Variants in MMP24 observed in about 807,000 individuals in gnomAD.
MMP24 encodes matrix metalloproteinase-24.
Under a neutral mutation model 62.8 loss-of-function variants are expected in MMP24, and 25 were observed. That is an observed-to-expected ratio of 0.40 (90% confidence interval 0.29 to 0.56). MMP24 has a LOEUF of 0.56. MMP24 is among the 20% of genes least tolerant of loss of function. The pLI is 0.50. For synonymous variants in MMP24, 319 were observed against 350.5 expected, an observed-to-expected ratio of 0.91 and a Z score of 1.00; for missense variants, 634 against 853.6, an observed-to-expected ratio of 0.74 and a Z score of 3.21.
At chr20:35,258,265 CA>C (rs1421982323) in intron 4 of MMP24, among the ~76,000 whole-genome samples, 1 of 152,140 alleles carries the variant, frequency 6.6e-6, no homozygotes, top group Non-Finnish European at 1.5e-5. Context: ...TAATTTTTAA[CA>C]TAAGCACACA....
chr20:35,231,825 G>T (rs554864187), intron 1 of MMP24, among the ~76,000 whole-genome samples: 36 of 152,300 alleles, frequency 2.4e-4, no homozygotes, highest in African/African-American at 8.2e-4. Context: ...GCCGAGGCAG[G>T]TGGATCACCT....
intron 7 of MMP24, among the ~76,000 whole-genome samples, chr20:35,270,868 C>G (rs1430688512): frequency 6.6e-6 from 1 of 152,182 alleles, no homozygotes; most frequent in Non-Finnish European, 1.5e-5. Context: ...GGTGAAACCA[C>G]GTCTCTACTA....
At chr20:35,235,694 G>A (rs1188247979) in intron 1 of MMP24, among the ~76,000 whole-genome samples, 1 of 152,084 alleles carries the variant, frequency 6.6e-6, no homozygotes, top group Non-Finnish European at 1.5e-5. Context: ...GCAAGACTAT[G>A]TCTCAAAAAA....
intron 1 of MMP24, among the ~76,000 whole-genome samples, chr20:35,229,090 T>C (rs1026416701): frequency 2.0e-5 from 3 of 152,236 alleles, no homozygotes; most frequent in Non-Finnish European, 4.4e-5. Flanking sequence ...ACACCCTGTA[T>C]GTGGATTATT....
chr20:35,246,857 T>C lies in MMP24; in HGVS notation c.264T>C (p.Tyr88=), dbSNP rs2060517228. 1.2e-6 allele frequency: 2 copies of C among 1,614,084 alleles called. No homozygotes were observed. Among genetic ancestry groups the C allele is most frequent in the East Asian group, 2.2e-5 (1 of 44,884 alleles). ...PFAGQNWLKS[Y]GYLLPYDSRA... ...TCTTTCAGAACTGGTTAAAGTCCTA[T>C]GGCTATCTGCTTCCCTATGACTCAC... is the stretch of plus-strand genomic sequence containing the variant. Residue 88 remains tyrosine, a synonymous_variant, in exon 2 of 9, where the codon TAT becomes TAC. Transcript: ENST00000246186.
intron 4 of MMP24, 124 bp downstream of exon 4, chr20:35,254,878 A>C: frequency 8.9e-6 from 10 of 1,120,448 alleles, no homozygotes; most frequent in Non-Finnish European, 1.3e-5. Flanking sequence ...AGACCGTAAG[A>C]GGGTGGGAAC....
In MMP24 at chr20:35,252,847, G is replaced by A. The variant is rs555568418; in HGVS notation, c.512+826G>A. On this transcript the variant is annotated intron_variant, in intron 3 of 8. Coordinates refer to ENST00000246186, the MANE Select transcript of MMP24 (RefSeq NM_006690.4). Reference sequence around the variant, plus strand: ...CAGGTGGGGCTGGGGCAAGGGCCAGGCATGGGCAGGCTCAGGTGGGGCTGG... The same window carrying A: ...CAGGTGGGGCTGGGGCAAGGGCCAGACATGGGCAGGCTCAGGTGGGGCTGG... Among the ~76,000 whole-genome samples, 916 of 139,764 alleles carry A rather than the reference G, an allele frequency of 6.6e-3. 15 individuals carry two copies. The highest frequency in any genetic ancestry group is 0.023 in the African/African-American group (824 of 36,306). The allele number at this position is 139,764 out of a possible 152,430, so 91.7% of individuals were successfully genotyped here.
At chr20:35,272,517 T>C (rs984796951) in intron 8 of MMP24, among the ~76,000 whole-genome samples, 1 of 152,184 alleles carries the variant, frequency 6.6e-6, no homozygotes, top group Non-Finnish European at 1.5e-5. Flanking sequence ...GGATTACAAG[T>C]GTGAGCCACT....
intron 6 of MMP24, chr20:35,267,841 G>C: frequency 4.5e-6 from 1 of 222,208 alleles, no homozygotes; most frequent in Non-Finnish European, 9.0e-6. Flanking sequence ...TCTGACTCCA[G>C]ACCCTACCAA....
intron 1 of MMP24, among the ~76,000 whole-genome samples, chr20:35,246,291 A>T (rs1399721219): frequency 4.1e-5 from 3 of 72,668 alleles, no homozygotes; most frequent in East Asian, 5.5e-4. Context: ...TGTCTCTACT[A>T]AAAAAAAAAA....
rs773325169 is a variant in MMP24 at position 35,267,330 on chromosome 20, C to T, written c.1105C>T (p.Arg369Trp). Residue 369 changes from arginine to tryptophan, a missense_variant, in exon 6 of 9, where the codon CGG (arginine) becomes TGG (tryptophan). By Grantham distance (101) the Arg-to-Trp change is moderately radical. Coordinates refer to ENST00000246186, the MANE Select transcript of MMP24 (RefSeq NM_006690.4). ...PRPPRPPLGD[R>W]PSTPGTKPNI... ...GCCCCCTCGGCCGCCCCTCGGGGAC[C>T]GGCCATCCACACCAGGCACCAAACC... The T allele has an allele frequency of 6.9e-6, 11 of 1,587,802 alleles. No homozygotes were observed. The highest frequency in any genetic ancestry group is 1.8e-5 in the Admixed American group (1 of 55,650).
intron 4 of MMP24, among the ~76,000 whole-genome samples, chr20:35,259,243 G>A (rs80347293): frequency 0.059 from 8,951 of 152,228 alleles, 682 homozygotes; most frequent in African/African-American, 0.18. Context: ...TTGGAAAGTG[G>A]CAGAGCCAGG....
chr20:35,248,306 C>CCTTT (rs745624436), intron 2 of MMP24, among the ~76,000 whole-genome samples: 17 of 136,790 alleles, frequency 1.2e-4, no homozygotes, highest in East Asian at 2.2e-4. Context: ...TTCCCCCCCC[C>CCTTT]TTTTTTTTTT....
intron 1 of MMP24, among the ~76,000 whole-genome samples, chr20:35,241,282 C>T (rs564233291): frequency 6.6e-6 from 1 of 152,234 alleles, no homozygotes; most frequent in South Asian, 2.1e-4. Context: ...GACCCCGATC[C>T]ATCTTCCTTA....
chr20:35,265,818 A>ATGTGGC (rs2060630625), intron 5 of MMP24, among the ~76,000 whole-genome samples: 2 of 152,132 alleles, frequency 1.3e-5, no homozygotes, highest in South Asian at 4.1e-4. Context: ...CAGTAGCCAT[A>ATGTGGC]TGTGGCTGTG....
At chr20:35,252,083 C>A (rs377411139) in intron 3 of MMP24, 62 bp downstream of exon 3, 17 of 1,366,158 alleles carry the variant, frequency 1.2e-5, no homozygotes, top group Non-Finnish European at 1.6e-5. Flanking sequence ...TTTTTCCTGG[C>A]CTGAGTTTCA....
In MMP24 at chr20:35,271,461, T is replaced by A; in HGVS notation, c.1334-108T>A. 1 of 1,390,886 alleles carries A rather than the reference T, an allele frequency of 7.2e-7. No individual in the cohort carries two copies. Among genetic ancestry groups the A allele is most frequent in the East Asian group, 2.5e-5 (1 of 40,568 alleles). The allele number at this position is 1,390,886 out of a possible 1,614,324, so 86.2% of individuals were successfully genotyped here. ...GCTTCGTGCCCTTCCCAACTCTAAC[T>A]GGGCCAAGGGGCTGAGGGCATCAGA... On this transcript the variant is annotated intron_variant, in intron 7 of 8. Transcript: ENST00000246186. This position sits in a 1 kb window ranked among gnomAD's most constrained non-coding sequence, Gnocchi z 4.0.
At chr20:35,273,922 C>T (rs1201037227) in intron 8 of MMP24, among the ~76,000 whole-genome samples, 6 of 152,140 alleles carry the variant, frequency 3.9e-5, no homozygotes, top group Admixed American at 3.9e-4. Context: ...TTAATGGAGC[C>T]CACATGAGCG....
intron 2 of MMP24, among the ~76,000 whole-genome samples, chr20:35,247,358 C>T (rs529829130): frequency 3.3e-5 from 5 of 152,286 alleles, no homozygotes; most frequent in South Asian, 2.1e-4. Flanking sequence ...ATACAGAAAA[C>T]GCTTGAATGA....
Sources: allele counts gnomAD v4.1 joint callset (sites outside exome capture counted in the v4.1 genomes callset), GRCh38; gene constraint gnomAD v4.1.1; non-coding constraint Gnocchi (gnomAD v3.1); transcripts MANE v1.5; gene names NCBI Gene and HGNC (gene_info 2026-07-23, HGNC 2026-07-21).